Variants in CHCHD6 observed in about 807,000 individuals in gnomAD.
CHCHD6 encodes coiled-coil-helix-coiled-coil-helix domain containing 6, also known as MICOS complex subunit MIC25.
A neutral mutation model predicts 32.3 loss-of-function variants in CHCHD6; 28 were observed. That is an observed-to-expected ratio of 0.87 (90% CI 0.64 to 1.19). The LOEUF (loss-of-function observed/expected upper bound fraction) is 1.19, where lower values mean the gene tolerates loss of function less well. Among genes scored for constraint, CHCHD6 ranks in the 50% most tolerant of loss-of-function variants. The pLI is 0.00. For synonymous variants in CHCHD6, 122 were observed against 117.5 expected (o/e 1.04, Z -0.25); for missense variants, 333 against 307.0 (o/e 1.08, Z -0.63).
At chr3:126,904,248 T>C (rs909208128) in intron 5 of CHCHD6, among the ~76,000 whole-genome samples, 1 of 152,200 alleles carries the variant, frequency 6.6e-6, no homozygotes, top group Non-Finnish European at 1.5e-5. Flanking sequence ...TGGTTAGCCC[T>C]GTAGTCTTCA....
chr3:126,714,484 C>G (rs1934913358), intron 1 of CHCHD6, among the ~76,000 whole-genome samples: 1 of 152,112 alleles, frequency 6.6e-6, no homozygotes, highest in East Asian at 1.9e-4. Context: ...ATCTCCAAGG[C>G]AACAGCCTTA....
intron 4 of CHCHD6, among the ~76,000 whole-genome samples, chr3:126,843,741 T>C (rs1941191160): frequency 1.3e-5 from 2 of 152,212 alleles, no homozygotes; most frequent in African/African-American, 2.4e-5. Flanking sequence ...TTCAATTACA[T>C]GTATGCTAGA....
At chr3:126,768,175 A>G (rs1000137788) in intron 4 of CHCHD6, among the ~76,000 whole-genome samples, 8 of 152,114 alleles carry the variant, frequency 5.3e-5, no homozygotes, top group Admixed American at 2.6e-4. Context: ...TTTCTCATGC[A>G]TGGTTTAGCA....
In CHCHD6 at chr3:126,839,553, C is replaced by G. The variant is rs187596957; in HGVS notation, c.412-13094C>G. ...CATAGTTCTCATTTTCGGCCGGAAC[C>G]TGGAGGGATCATTGTGCTTTCCTCC... On this transcript the variant is annotated intron_variant, in intron 4 of 7. Coordinates refer to ENST00000290913, the MANE Select transcript of CHCHD6 (RefSeq NM_032343.3). Among the ~76,000 whole-genome samples, 232 of 152,228 alleles carry G rather than the reference C, an allele frequency of 1.5e-3. 2 individuals are homozygous for G. The highest frequency in any genetic ancestry group is 2.2e-4 in the Non-Finnish European group (15 of 68,028).
intron 4 of CHCHD6, among the ~76,000 whole-genome samples, chr3:126,759,616 A>G (rs1379859369): frequency 6.6e-6 from 1 of 152,138 alleles, no homozygotes; most frequent in Non-Finnish European, 1.5e-5. Flanking sequence ...TCTTTTCCTC[A>G]TGATGAGGTT....
At chr3:126,936,110 G>C (rs1416482707) in intron 6 of CHCHD6, among the ~76,000 whole-genome samples, 1 of 152,222 alleles carries the variant, frequency 6.6e-6, no homozygotes, top group Admixed American at 6.5e-5. Context: ...AAGCCAGCTT[G>C]TGCTGTGAAA....
intron 1 of CHCHD6, among the ~76,000 whole-genome samples, chr3:126,707,659 T>G (rs776959450): frequency 2.0e-5 from 3 of 152,170 alleles, no homozygotes; most frequent in Non-Finnish European, 4.4e-5. Flanking sequence ...CCTGTTCCAG[T>G]CACTTGCATG....
At chr3:126,927,042 G>T (rs1165839942) in intron 6 of CHCHD6, among the ~76,000 whole-genome samples, 1 of 152,154 alleles carries the variant, frequency 6.6e-6, no homozygotes, top group African/African-American at 2.4e-5. Flanking sequence ...AGAGAGGACA[G>T]CCAGGACTCT....
intron 5 of CHCHD6, among the ~76,000 whole-genome samples, chr3:126,863,363 C>G (rs1217419408): frequency 1.6e-5 from 2 of 122,688 alleles, no homozygotes; most frequent in East Asian, 2.7e-4. Context: ...TCTACCATCA[C>G]CACCTCCTCC....
intron 4 of CHCHD6, among the ~76,000 whole-genome samples, chr3:126,794,905 C>T (rs531222752): frequency 6.6e-6 from 1 of 152,302 alleles, no homozygotes; most frequent in South Asian, 2.1e-4. Context: ...ACATTTGTTA[C>T]CTTGGGTTGA....
intron 4 of CHCHD6, among the ~76,000 whole-genome samples, chr3:126,828,476 G>A (rs1244420836): frequency 4.6e-5 from 7 of 152,194 alleles, no homozygotes. Flanking sequence ...GAACACGGGA[G>A]GCTCCCGGAA....
At chr3:126,840,494 A>G (rs1941029569) in intron 4 of CHCHD6, among the ~76,000 whole-genome samples, 2 of 152,234 alleles carry the variant, frequency 1.3e-5, no homozygotes, top group Non-Finnish European at 2.9e-5. Context: ...AGGTGTAATG[A>G]AGGAAGATAA....
chr3:126,881,239 G>A (rs1576547927), intron 5 of CHCHD6, among the ~76,000 whole-genome samples: 2 of 152,206 alleles, frequency 1.3e-5, no homozygotes, highest in East Asian at 3.8e-4. Flanking sequence ...AATACAATGG[G>A]TAGAGCCTGT....
intron 6 of CHCHD6, among the ~76,000 whole-genome samples, chr3:126,948,369 G>A (rs746678305): frequency 4.6e-5 from 7 of 152,250 alleles, no homozygotes; most frequent in Non-Finnish European, 8.8e-5. Flanking sequence ...TTGGCATTCC[G>A]GGACACACAT....
chr3:126,851,018 T>A (rs974134144), intron 4 of CHCHD6, among the ~76,000 whole-genome samples: 4 of 152,156 alleles, frequency 2.6e-5, no homozygotes, highest in South Asian at 2.1e-4. Flanking sequence ...GGTTACTACT[T>A]CTTCTCCCTT....
In CHCHD6 at chr3:126,733,120, G is replaced by A. The variant is rs142231019; in HGVS notation, c.309G>A (p.Gln103=). 9.9e-5 allele frequency: 160 copies of A among 1,614,208 alleles called. No individual in the cohort carries two copies. The African/African-American group carries it at 1.5e-3, about 15-fold the overall frequency. ...CTGCTATCCAGGATAAGCTCTTCCAGGTGGCAAAGAGGGAAAGAGAGGCTG... is the reference window on the plus strand; with the variant it reads ...CTGCTATCCAGGATAAGCTCTTCCAAGTGGCAAAGAGGGAAAGAGAGGCTG... ...EHAAIQDKLF[Q]VAKREREAAT... is the part of the protein sequence containing the mutation. Residue 103 remains glutamine (Q), a synonymous_variant, in exon 4 of 8, where the codon CAG becomes CAA. Coordinates refer to ENST00000290913, the MANE Select transcript of CHCHD6 (RefSeq NM_032343.3).
chr3:126,959,643 C>T (rs1280752351), intron 7 of CHCHD6, among the ~76,000 whole-genome samples: 1 of 152,158 alleles, frequency 6.6e-6, no homozygotes, highest in Admixed American at 6.5e-5. Context: ...CCCTGGGGCT[C>T]CTAGGGCAGG....
At chr3:126,821,891 C>T (rs1940171719) in intron 4 of CHCHD6, among the ~76,000 whole-genome samples, 1 of 152,156 alleles carries the variant, frequency 6.6e-6, no homozygotes, top group East Asian at 1.9e-4. Flanking sequence ...AATGTCTATT[C>T]AATTCCTTTG....
chr3:126,818,674 G>A (rs1940018617), intron 4 of CHCHD6, among the ~76,000 whole-genome samples: 4 of 152,144 alleles, frequency 2.6e-5, no homozygotes, highest in Admixed American at 2.6e-4. Context: ...AGTGCCGCAG[G>A]TCTCTTCCTG....
Sources: gnomAD v4.1 joint callset for allele counts (sites outside exome capture counted in the v4.1 genomes callset) on GRCh38, gnomAD v4.1.1 for gene constraint, MANE v1.5 for transcripts, NCBI Gene and HGNC (gene_info 2026-07-23, HGNC 2026-07-21) for gene names.